The following AMPD2 variants were observed in gnomAD, a reference collection of about 807,000 sequenced individuals.
AMPD2 encodes the protein AMP deaminase 2.
Under a neutral mutation model 91.3 loss-of-function variants are expected in AMPD2, and 52 were observed. The ratio of observed to expected loss-of-function variants is 0.57; its 90% CI spans 0.46 to 0.72. AMPD2 has a LOEUF of 0.72. Among genes scored for constraint, AMPD2 ranks in the 30% least tolerant of loss-of-function variants. The pLI is 0.00. For synonymous variants in AMPD2, 455 were observed against 456.4 expected (o/e 1.00, Z 0.04); for missense variants, 822 against 1,122.3 (o/e 0.73, Z 3.82).
rs1219694812 is a variant in AMPD2, at chr1:109,628,384, C to A, written c.1296C>A (p.Arg432=). Residue 432 remains arginine, a synonymous_variant, in exon 12 of 19, where the codon CGC becomes CGA. Coordinates refer to ENST00000528667, the MANE Select transcript of AMPD2 (RefSeq NM_001368809.2). The surrounding 1 kb of genome is among the most constrained non-coding windows in gnomAD (Gnocchi z 7.1). The part of the protein sequence containing the change: ...DVHADRNTFH[R]FDKFNAKYNP... The stretch of plus-strand genomic sequence containing the variant: ...CCCAGGACAGGAACACTTTCCATCG[C>A]TTTGACAAGTTTAATGCCAAATACA... 1.6e-5 allele frequency: 26 copies of A among 1,613,992 alleles called. No individual in the cohort carries two copies. The highest frequency in any genetic ancestry group is 2.2e-5 in the Non-Finnish European group (26 of 1,180,040).
chr1:109,626,824 C>T lies in AMPD2; in HGVS notation c.630C>T (p.Pro210=), dbSNP rs1650729419. 1 of 1,613,670 alleles carries T rather than the reference C, an allele frequency of 6.2e-7. No homozygotes were observed. Among genetic ancestry groups the T allele is most frequent in the Non-Finnish European group, 8.5e-7 (1 of 1,179,890 alleles). ...YMALSLQSFC[P]TTRRYLQQLA... Reference sequence around the variant, plus strand: ...CCCTGTCCCTGCAGAGCTTCTGCCCCACCACCCGCCGCTACCTGCAGCAGC... The same window carrying T: ...CCCTGTCCCTGCAGAGCTTCTGCCCTACCACCCGCCGCTACCTGCAGCAGC... Residue 210 remains proline, a synonymous_variant, in exon 7 of 19, where the codon CCC becomes CCT. Coordinates refer to ENST00000528667, the MANE Select transcript of AMPD2 (RefSeq NM_001368809.2).
In AMPD2 at chr1:109,625,069, G is replaced by C. The variant is rs1650539964; in HGVS notation, c.92-234G>C. On this transcript the variant is annotated intron_variant, in intron 2 of 18. Transcript: ENST00000528667. The surrounding 1 kb of genome is among the most constrained non-coding windows in gnomAD (Gnocchi z 4.0). Reference sequence around the variant, plus strand: ...AGGTAATGAATCTACTTGTTCTAGGGGCAGACTCAGAATCCCCACCCCAAG... The same window carrying C: ...AGGTAATGAATCTACTTGTTCTAGGCGCAGACTCAGAATCCCCACCCCAAG... 6.6e-6 allele frequency among the ~76,000 whole-genome samples: 1 copy of C among 152,096 alleles called. No individual in the cohort carries two copies.
In AMPD2 at chr1:109,629,431, C is replaced by T. The variant is rs1194833662; in HGVS notation, c.1803C>T (p.Pro601=). Residue 601 remains proline, a synonymous_variant, in exon 15 of 19, where the codon CCC becomes CCT. Coordinates refer to ENST00000528667, the MANE Select transcript of AMPD2 (RefSeq NM_001368809.2). ...PEAWVEEDNP[P]YAYYLYYTFA... is the part of the protein sequence containing the mutation. Reference sequence around the variant, plus strand: ...CGTGGGTGGAGGAGGACAACCCACCCTATGCCTACTACCTGTACTACACCT... The same window carrying T: ...CGTGGGTGGAGGAGGACAACCCACCTTATGCCTACTACCTGTACTACACCT... The T allele has an allele frequency of 6.2e-7, 1 of 1,614,088 alleles. No individual in the cohort carries two copies. Among genetic ancestry groups the T allele is most frequent in the Admixed American group, 1.7e-5 (1 of 60,026 alleles).
In AMPD2 at chr1:109,629,282, G is replaced by A. The variant is rs763927036; in HGVS notation, c.1699-45G>A. On this transcript the variant is annotated intron_variant, in intron 14 of 18. Coordinates refer to ENST00000528667, the MANE Select transcript of AMPD2 (RefSeq NM_001368809.2). ...GGGTATGGGGAGGGCAGCCGGCTTCGCATCCAGCTGCAGCTCTGGTTCTGA... is the reference window on the plus strand; with the variant it reads ...GGGTATGGGGAGGGCAGCCGGCTTCACATCCAGCTGCAGCTCTGGTTCTGA... The A allele has an allele frequency of 8.1e-5, 131 of 1,613,806 alleles. No individual in the cohort carries two copies. The Admixed American group carries it at 1.0e-3, about 13-fold the overall frequency.
chr1:109,619,858 G>A lies in AMPD2; in HGVS notation c.-683G>A. 1 of 200,438 alleles carries A rather than the reference G, an allele frequency of 5.0e-6. No individual in the cohort carries two copies. The highest frequency in any genetic ancestry group is 5.5e-5 in the South Asian group (1 of 18,092). 12.4% of individuals were successfully genotyped at this position (200,438 alleles called of 1,614,324 possible). A position where few individuals can be genotyped will look rare whatever the true frequency, so the allele number is the denominator to read the frequency against. On this transcript the variant is annotated 5_prime_UTR_variant, in exon 1 of 19. Coordinates refer to ENST00000528667, the MANE Select transcript of AMPD2 (RefSeq NM_001368809.2). ...GGCCAAGGGCCGCAGAGCCTGGCGC[G>A]GAGCCGGCGAGATTTTGGTGGGGTC...
intron 2 of AMPD2, chr1:109,621,570 G>A (rs531445124): frequency 3.0e-5 from 16 of 533,512 alleles, no homozygotes; most frequent in East Asian, 1.0e-4. Flanking sequence ...CTAAGACTGC[G>A]TGTGAAGCAT....
intron 1 of AMPD2, 34 bp from the exon 2 acceptor site, chr1:109,620,879 TC>T: frequency 6.9e-7 from 1 of 1,440,808 alleles, no homozygotes; most frequent in East Asian, 2.5e-5. Context: ...TTCCCCATCT[TC>T]TTTTCTACCC....
chr1:109,621,364 G>T (rs560167058), intron 2 of AMPD2, 98 bp downstream of exon 2: 2 of 1,322,606 alleles, frequency 1.5e-6, no homozygotes, highest in Admixed American at 2.0e-5. Context: ...CACCTCCTCC[G>T]GCATCCTCTC....
chr1:109,623,123 T>C (rs1331586590), intron 2 of AMPD2, among the ~76,000 whole-genome samples: 1 of 152,122 alleles, frequency 6.6e-6, no homozygotes, highest in Non-Finnish European at 1.5e-5. Flanking sequence ...AGGTAGAATG[T>C]ATTTTGAGGG....
chr1:109,620,869 T>G (rs1650187837), intron 1 of AMPD2, 45 bp from the exon 2 acceptor site: 5 of 1,440,000 alleles, frequency 3.5e-6, no homozygotes, highest in Non-Finnish European at 4.6e-6. Flanking sequence ...GGGCTGGCCC[T>G]TCCCCATCTT....
At chr1:109,620,537 G>A in intron 1 of AMPD2, 1 of 1,264,872 alleles carries the variant, frequency 7.9e-7, no homozygotes, top group African/African-American at 1.6e-5. Flanking sequence ...GCTATTTGGC[G>A]ACGGTGGAAT....
rs747581379 is a variant in AMPD2 at position 109,630,811 on chromosome 1, T to C, written c.2268+18T>C. Reference sequence around the variant, plus strand: ...CGCACAAGGTACTACAGCGCCTGCCTGGACCTTGGCATGGCATCACTCCTC... The same window carrying C: ...CGCACAAGGTACTACAGCGCCTGCCCGGACCTTGGCATGGCATCACTCCTC... On this transcript the variant is annotated intron_variant, in intron 18 of 18. Transcript: ENST00000528667. 15 of 1,599,284 alleles carry C rather than the reference T, an allele frequency of 9.4e-6. No homozygotes were observed. In the Admixed American group the frequency reaches 2.4e-4, roughly 26 times the overall value.
rs773077067 is a variant in AMPD2 at position 109,625,450 on chromosome 1, C to A, written c.222+17C>A. 2 of 1,613,830 alleles carry A rather than the reference C, an allele frequency of 1.2e-6. No homozygotes were observed. The highest frequency in any genetic ancestry group is 3.3e-5 in the Admixed American group (2 of 60,008). On this transcript the variant is annotated intron_variant, in intron 3 of 18. Coordinates refer to ENST00000528667, the MANE Select transcript of AMPD2 (RefSeq NM_001368809.2). This position sits in a 1 kb window ranked among gnomAD's most constrained non-coding sequence, Gnocchi z 4.0. Reference sequence around the variant, plus strand: ...ATCGCCGAGGTATCACCTGGCACCACCCGCACCCTCACCCCGTGTCTCCAT... The same window carrying A: ...ATCGCCGAGGTATCACCTGGCACCAACCGCACCCTCACCCCGTGTCTCCAT...
rs536798841 is a variant in AMPD2 at position 109,626,164 on chromosome 1, G to C, written c.358G>C (p.Glu120Gln). 6.2e-7 allele frequency: 1 copy of C among 1,614,160 alleles called. No homozygotes were observed. The highest frequency in any genetic ancestry group is 1.3e-5 in the African/African-American group (1 of 75,048). Residue 120 changes from glutamate to glutamine, a missense_variant, in exon 5 of 19, where the codon GAG (glutamate) becomes CAG (glutamine). Around this residue, in one of 5 missense-constraint regions of AMPD2, gnomAD observed 240 missense variants for 270.3 expected, o/e 0.89. Coordinates refer to ENST00000528667, the MANE Select transcript of AMPD2 (RefSeq NM_001368809.2). ...ERQISQDVKL[E>Q]PDILLRAKQD... is the part of the protein sequence containing the mutation. ...TCTCACCCCTCTTGCCTCTAGGCTG[G>C]AGCCAGACATCCTGCTTCGGGCCAA... is the stretch of plus-strand genomic sequence containing the variant.
intron 1 of AMPD2, 113 bp from the exon 2 acceptor site, chr1:109,620,801 T>G (rs1252465251): frequency 1.7e-5 from 22 of 1,326,096 alleles, no homozygotes; most frequent in Non-Finnish European, 2.0e-5. Flanking sequence ...TTGGCTTCTT[T>G]GCCCGGGAGC....
rs1390825220 is a variant in AMPD2 at position 109,628,691 on chromosome 1, C to T, written c.1456C>T (p.Arg486Trp). ...GAGCAAATACCAGAATGCAGAGCTG[C>T]GGCTCTCCATTTACGGGCGCTCGAG... is the stretch of plus-strand genomic sequence containing the variant. ...EESKYQNAEL[R>W]LSIYGRSRDE... Residue 486 changes from arginine (R) to tryptophan (W), a missense_variant, in exon 13 of 19, where the codon CGG becomes TGG. Coordinates refer to ENST00000528667, the MANE Select transcript of AMPD2 (RefSeq NM_001368809.2). This position sits in a 1 kb window ranked among gnomAD's most constrained non-coding sequence, Gnocchi z 7.1. 6.8e-6 allele frequency: 11 copies of T among 1,613,750 alleles called. No individual in the cohort carries two copies. Among genetic ancestry groups the T allele is most frequent in the Admixed American group, 3.3e-5 (2 of 59,974 alleles).
chr1:109,620,996 C>T lies in AMPD2; in HGVS notation c.-180C>T. On this transcript the variant is annotated 5_prime_UTR_variant, in exon 2 of 19. Transcript: ENST00000528667. ...GGGCAGAGATGGAGGCCCCACTCCC[C>T]GAGGTTGCCTAGACAACATGAGAAA... 1 of 1,561,594 alleles carries T rather than the reference C, an allele frequency of 6.4e-7. No individual in the cohort carries two copies.
chr1:109,628,356 T>C lies in AMPD2; in HGVS notation c.1276-8T>C. On this transcript the variant is annotated splice_polypyrimidine_tract_variant and splice_region_variant and intron_variant, in intron 11 of 18. Coordinates refer to ENST00000528667, the MANE Select transcript of AMPD2 (RefSeq NM_001368809.2). The surrounding 1 kb of genome is among the most constrained non-coding windows in gnomAD (Gnocchi z 7.1). ...CACGGGTGACCTGAGCCTTCCCATG[T>C]CCCCCAGGACAGGAACACTTTCCAT... 1 of 1,613,782 alleles carries C rather than the reference T, an allele frequency of 6.2e-7. No homozygotes were observed. Among genetic ancestry groups the C allele is most frequent in the South Asian group, 1.1e-5 (1 of 91,060 alleles).
intron 2 of AMPD2, 163 bp downstream of exon 2, chr1:109,621,429 T>TGTGGGGGGGGGG: frequency 2.9e-5 from 4 of 139,158 alleles, no homozygotes; most frequent in African/African-American, 9.1e-5. Flanking sequence ...GAAGGTGGGG[T>TGTGGGGGGGGGG]GAGGGGTGGT....
Sources: allele counts gnomAD v4.1 joint callset (sites outside exome capture counted in the v4.1 genomes callset), GRCh38; gene constraint gnomAD v4.1.1; regional missense constraint gnomAD v4.1.1; non-coding constraint Gnocchi (gnomAD v3.1); transcripts MANE v1.5; gene names NCBI Gene and HGNC (gene_info 2026-07-23, HGNC 2026-07-21).